Variants in SIDT1 observed in about 807,000 individuals in gnomAD.
SIDT1 encodes the protein SID1 transmembrane family member 1.
SIDT1 carries 101 observed loss-of-function variants against 107.5 expected under a neutral mutation model. The ratio of observed to expected loss-of-function variants is 0.94; its 90% CI spans 0.80 to 1.11. The LOEUF (loss-of-function observed/expected upper bound fraction) is 1.11. Ranked by LOEUF, SIDT1 falls within the 50% of genes least tolerant of loss-of-function variation. The probability of loss-of-function intolerance (pLI) is 0.00; values close to 1 mark genes in which losing one functional copy is unlikely to be tolerated. For missense variants in SIDT1, 1,076 were observed against 1,058.2 expected, an observed-to-expected ratio of 1.02 and a Z score of -0.23; for synonymous variants, 395 against 398.2, an observed-to-expected ratio of 0.99 and a Z score of 0.10.
chr3:113,548,202 G>A (rs1321830834), intron 1 of SIDT1, among the ~76,000 whole-genome samples: 1 of 151,896 alleles, frequency 6.6e-6, no homozygotes, highest in African/African-American at 2.4e-5. Flanking sequence ...CATTATTGTG[G>A]TACACTAATA....
At chr3:113,545,318 C>G (rs781359665) in intron 1 of SIDT1, among the ~76,000 whole-genome samples, 1 of 151,930 alleles carries the variant, frequency 6.6e-6, no homozygotes, top group Non-Finnish European at 1.5e-5. Flanking sequence ...AGTTAATATT[C>G]TACTGTAAGA....
At chr3:113,534,883 C>T (rs1264301829) in intron 1 of SIDT1, among the ~76,000 whole-genome samples, 1 of 152,180 alleles carries the variant, frequency 6.6e-6, no homozygotes, top group African/African-American at 2.4e-5. Context: ...TTGAGATCAC[C>T]TGGTTGACTT....
At chr3:113,547,594 T>C (rs1022019640) in intron 1 of SIDT1, among the ~76,000 whole-genome samples, 3 of 152,122 alleles carry the variant, frequency 2.0e-5, no homozygotes, top group African/African-American at 7.2e-5. Context: ...TTTCAGCAAG[T>C]TGAACAAGAA....
intron 17 of SIDT1, among the ~76,000 whole-genome samples, chr3:113,609,220 G>GC (rs1194096069): frequency 4.0e-5 from 6 of 151,738 alleles, no homozygotes; most frequent in Admixed American, 3.9e-4. Flanking sequence ...GCACCACCAC[G>GC]CCCAGCTAAT....
rs74877549 is a variant in SIDT1, at chr3:113,562,823, T to G, written c.223-3597T>G. 5.7e-3 allele frequency among the ~76,000 whole-genome samples: 870 copies of G among 152,300 alleles called. 35 individuals are homozygous for G. In the East Asian group the frequency reaches 0.12, roughly 21 times the overall value. On this transcript the variant is annotated intron_variant, in intron 1 of 24. Coordinates refer to ENST00000264852, the MANE Select transcript of SIDT1 (RefSeq NM_017699.3). ...GTGAATATATTAAAAACTACTGAAT[T>G]ATGCACTTTAAAAGAATGAATTGTG...
chr3:113,630,443 G>A (rs1386213568), downstream of SIDT1, among the ~76,000 whole-genome samples: 1 of 152,260 alleles, frequency 6.6e-6, no homozygotes, highest in East Asian at 1.9e-4. Context: ...GACTGAAGGA[G>A]GTCACCGAGC....
At chr3:113,612,919 G>A (rs1367221589) in intron 19 of SIDT1, among the ~76,000 whole-genome samples, 3 of 152,044 alleles carry the variant, frequency 2.0e-5, no homozygotes, top group South Asian at 2.1e-4. Flanking sequence ...CAGAGCAAAA[G>A]TCCAAATAAA....
chr3:113,574,642 G>A (rs536278153), intron 3 of SIDT1, among the ~76,000 whole-genome samples: 3 of 149,688 alleles, frequency 2.0e-5, no homozygotes, highest in East Asian at 2.0e-4. Flanking sequence ...CTCTACCCCC[G>A]ACCCATGGGC....
intron 24 of SIDT1, among the ~76,000 whole-genome samples, chr3:113,626,960 C>A (rs937051764): frequency 3.9e-5 from 6 of 152,096 alleles, no homozygotes; most frequent in African/African-American, 1.4e-4. Context: ...GCAGGGCTAT[C>A]CTCTAGTGGC....
Position 113,601,600 on chromosome 3 carries a change from T to C in SIDT1, c.1058T>C (p.Met353Thr), listed in dbSNP as rs372336606. The C allele has an allele frequency of 1.2e-6, 2 of 1,613,812 alleles. No homozygotes were observed. Among genetic ancestry groups the C allele is most frequent in the African/African-American group, 1.3e-5 (1 of 75,048 alleles). ...SFGSNDGSGNMVASHPIAAST... is the reference protein window; with the variant it reads ...SFGSNDGSGNTVASHPIAAST... Reference sequence around the variant, plus strand: ...CTTTTTTTAACAGGCTCTGGAAATATGGTGGCATCTCATCCCATTGCTGCC... The same window carrying C: ...CTTTTTTTAACAGGCTCTGGAAATACGGTGGCATCTCATCCCATTGCTGCC... Residue 353 changes from methionine to threonine, a missense_variant, in exon 11 of 25, where the codon ATG (methionine) becomes ACG (threonine). Transcript: ENST00000264852.
At chr3:113,568,601 AAAAAG>A (rs202138300) in intron 3 of SIDT1, among the ~76,000 whole-genome samples, 35,994 of 143,660 alleles carry the variant, frequency 0.25, 4,544 homozygotes, top group East Asian at 0.56. Context: ...CTCAAAAAAA[AAAAAG>A]AAAAGAAAAG....
intron 3 of SIDT1, among the ~76,000 whole-genome samples, chr3:113,571,362 A>T (rs1350559431): frequency 6.6e-6 from 1 of 152,190 alleles, no homozygotes; most frequent in Non-Finnish European, 1.5e-5. Context: ...TGCTGCTGTG[A>T]GCCATGATTG....
At chr3:113,559,003 TC>T (rs530701770) in intron 1 of SIDT1, among the ~76,000 whole-genome samples, 75 of 152,360 alleles carry the variant, frequency 4.9e-4, no homozygotes, top group Non-Finnish European at 8.8e-4. Flanking sequence ...TCCATACTGA[TC>T]CACATTTCAG....
At chr3:113,557,187 T>C (rs758324400) in intron 1 of SIDT1, among the ~76,000 whole-genome samples, 3 of 152,320 alleles carry the variant, frequency 2.0e-5, no homozygotes, top group African/African-American at 4.8e-5. Flanking sequence ...AGGAATTCTT[T>C]AGGCCTGGCC....
At chr3:113,614,954 G>A (rs779715412) in intron 19 of SIDT1, 7 of 1,159,460 alleles carry the variant, frequency 6.0e-6, no homozygotes, top group Non-Finnish European at 8.6e-6. Flanking sequence ...CAAAATTAAA[G>A]TCATCCATCT....
rs767808932 is a variant in SIDT1, at chr3:113,608,399, C to A, written c.1603-20C>A. 60 of 1,579,244 alleles carry A rather than the reference C, an allele frequency of 3.8e-5. No individual in the cohort carries two copies. The Middle Eastern group carries it at 6.6e-4, about 17-fold the overall frequency. On this transcript the variant is annotated intron_variant, in intron 16 of 24. Transcript: ENST00000264852. Reference sequence around the variant, plus strand: ...ATGGCACTATTTAGTATCTATTGACCACCCTTTCTCCTTTTTCAGGAGTAC... The same window carrying A: ...ATGGCACTATTTAGTATCTATTGACAACCCTTTCTCCTTTTTCAGGAGTAC...
At chr3:113,534,179 C>T (rs1937823018) in intron 1 of SIDT1, among the ~76,000 whole-genome samples, 1 of 152,182 alleles carries the variant, frequency 6.6e-6, no homozygotes, top group African/African-American at 2.4e-5. Context: ...GTATCCCTTA[C>T]TATACCAGCA....
At chr3:113,565,338 C>T (rs766497718) in intron 1 of SIDT1, among the ~76,000 whole-genome samples, 1 of 152,094 alleles carries the variant, frequency 6.6e-6, no homozygotes, top group Non-Finnish European at 1.5e-5. Flanking sequence ...TCGAGACCAG[C>T]CTGGCCAACA....
intron 10 of SIDT1, among the ~76,000 whole-genome samples, chr3:113,596,298 G>A (rs937931150): frequency 6.6e-6 from 1 of 152,242 alleles, no homozygotes; most frequent in Admixed American, 6.5e-5. Flanking sequence ...ATTGGTGGCA[G>A]CTCTGTTGGA....
Sources: allele counts gnomAD v4.1 joint callset (sites outside exome capture counted in the v4.1 genomes callset), GRCh38; gene constraint gnomAD v4.1.1; transcripts MANE v1.5; gene names NCBI Gene and HGNC (gene_info 2026-07-23, HGNC 2026-07-21).